RPH3AL: variants seen among roughly 807,000 people sequenced by gnomAD.
The protein encoded by RPH3AL is rab effector Noc2.
RPH3AL carries 38 observed loss-of-function variants against 43.1 expected under a neutral mutation model. The ratio of observed to expected loss-of-function variants is 0.88; its 90% CI spans 0.68 to 1.15. The LOEUF is 1.15. RPH3AL is among the 50% of genes most tolerant of loss of function. The pLI, the probability that RPH3AL is intolerant of heterozygous loss-of-function variation, is 0.00. For missense variants in RPH3AL, 462 were observed against 423.2 expected, an observed-to-expected ratio of 1.09 and a Z score of -0.81; for synonymous variants, 189 against 176.3, an observed-to-expected ratio of 1.07 and a Z score of -0.57.
Position 289,956 on chromosome 17 carries a change from C to G in RPH3AL, c.352-8102G>C, listed in dbSNP as rs72806031. On this transcript the variant is annotated intron_variant, in intron 5 of 9. Coordinates refer to ENST00000331302, the MANE Select transcript of RPH3AL (RefSeq NM_006987.4). The surrounding 1 kb of genome is among the most constrained non-coding windows in gnomAD (Gnocchi z 5.2). ...CCTCCGCTGTGTGGCTGCAGGGCTCCTGTGACTTCCCCTGCTGGGCCGTCA... is the reference window on the plus strand; with the variant it reads ...CCTCCGCTGTGTGGCTGCAGGGCTCGTGTGACTTCCCCTGCTGGGCCGTCA... 0.52 allele frequency among the ~76,000 whole-genome samples: 78,450 copies of G among 152,110 alleles called. 21,815 individuals carry two copies. Among genetic ancestry groups the G allele is most frequent in the Non-Finnish European group, 0.63 (42,954 of 67,986 alleles).
At chr17:318,181 A>G (rs368574969) in intron 5 of RPH3AL, among the ~76,000 whole-genome samples, 180 of 152,158 alleles carry the variant, frequency 1.2e-3, no homozygotes, top group African/African-American at 4.1e-3. Flanking sequence ...TCAGGAGTTC[A>G]AGACCAGCCT....
chr17:348,727 CCT>C (rs2045296121), intron 1 of RPH3AL, among the ~76,000 whole-genome samples: 1 of 152,116 alleles, frequency 6.6e-6, no homozygotes, highest in Non-Finnish European at 1.5e-5. Flanking sequence ...GCCCATCATC[CCT>C]GTTTGCTAAA....
At chr17:278,090 T>C (rs1427709924) in intron 6 of RPH3AL, among the ~76,000 whole-genome samples, 1 of 152,208 alleles carries the variant, frequency 6.6e-6, no homozygotes, top group African/African-American at 2.4e-5. Flanking sequence ...AATCTCATCT[T>C]GAACTGCAGC....
chr17:299,918 C>T (rs1232100708), intron 5 of RPH3AL, among the ~76,000 whole-genome samples: 1 of 152,246 alleles, frequency 6.6e-6, no homozygotes, highest in African/African-American at 2.4e-5. Flanking sequence ...GAGAAGGAGT[C>T]CCTGCAGGAC....
At chr17:291,740 G>A (rs971015705) in intron 5 of RPH3AL, among the ~76,000 whole-genome samples, 2 of 152,142 alleles carry the variant, frequency 1.3e-5, no homozygotes, top group African/African-American at 2.4e-5. Flanking sequence ...GAAAAGTGAC[G>A]AAATGACAAC....
chr17:326,591 A>G (rs1222265334), intron 3 of RPH3AL, among the ~76,000 whole-genome samples: 1 of 152,194 alleles, frequency 6.6e-6, no homozygotes, highest in Non-Finnish European at 1.5e-5. Flanking sequence ...GGACAGCAGG[A>G]AAACCAGGGC....
intron 6 of RPH3AL, among the ~76,000 whole-genome samples, chr17:258,766 T>G (rs1192940692): frequency 2.7e-5 from 4 of 150,008 alleles, no homozygotes; most frequent in Admixed American, 6.6e-5. Context: ...CGTTTTTTTT[T>G]TTTTTTTTTT....
chr17:263,299 A>G (rs1470267658), intron 6 of RPH3AL, among the ~76,000 whole-genome samples: 1 of 152,216 alleles, frequency 6.6e-6, no homozygotes, highest in Non-Finnish European at 1.5e-5. Flanking sequence ...AAAGAGCCGA[A>G]AGTAATAACA....
At chr17:310,606 G>A (rs2151653954) in intron 5 of RPH3AL, among the ~76,000 whole-genome samples, 1 of 152,308 alleles carries the variant, frequency 6.6e-6, no homozygotes, top group South Asian at 2.1e-4. Context: ...GGCAGTCCCA[G>A]AGTGGAGGGC....
chr17:321,457 T>C (rs750753114), intron 3 of RPH3AL, 42 bp from the exon 4 acceptor site: 48 of 1,514,590 alleles, frequency 3.2e-5, no homozygotes, highest in Non-Finnish European at 4.0e-5. Flanking sequence ...GCCTCCCCGG[T>C]GCAAACTCCG....
At chr17:331,688 C>A (rs12947988) in intron 2 of RPH3AL, 415,963 of 1,286,900 alleles carry the variant, frequency 0.32, 69,403 homozygotes, top group Admixed American at 0.43. Context: ...CCTCATCAGC[C>A]GACCCCCATG....
At chr17:227,214 G>A (rs985486681) in intron 7 of RPH3AL, among the ~76,000 whole-genome samples, 10 of 152,326 alleles carry the variant, frequency 6.6e-5, no homozygotes, top group East Asian at 1.9e-4. Flanking sequence ...CAGCCCCAGC[G>A]CCAGCCGTGC....
chr17:344,533 CCAT>C (rs544176499), intron 1 of RPH3AL, among the ~76,000 whole-genome samples: 2 of 133,616 alleles, frequency 1.5e-5, no homozygotes, highest in Admixed American at 7.2e-5. Flanking sequence ...ATCATCATCA[CCAT>C]CATCATGATC....
At chr17:224,973 G>A (rs191570082) in intron 7 of RPH3AL, among the ~76,000 whole-genome samples, 1 of 145,848 alleles carries the variant, frequency 6.9e-6, no homozygotes, top group Admixed American at 6.8e-5. Context: ...ATGGGGTTGG[G>A]GGAGGGGGGA....
chr17:267,105 C>T (rs926104429), intron 6 of RPH3AL, among the ~76,000 whole-genome samples: 4 of 152,226 alleles, frequency 2.6e-5, no homozygotes, highest in Non-Finnish European at 5.9e-5. Flanking sequence ...AACAGGGGCC[C>T]CTGTCTTCCC....
At chr17:224,323 C>T (rs2041059395) in intron 7 of RPH3AL, among the ~76,000 whole-genome samples, 1 of 152,272 alleles carries the variant, frequency 6.6e-6, no homozygotes, top group South Asian at 2.1e-4. Flanking sequence ...TCCCACGCCA[C>T]CTGCTGTCTC....
chr17:278,355 TA>T (rs1383833981), intron 6 of RPH3AL, among the ~76,000 whole-genome samples: 1 of 152,192 alleles, frequency 6.6e-6, no homozygotes, highest in East Asian at 1.9e-4. Context: ...CTCTTCCCTT[TA>T]GTACCCAGTC....
chr17:273,050 G>GAGAGACCCCAGCGAGGGCGACGTCAGGC (rs2042541233), intron 6 of RPH3AL, among the ~76,000 whole-genome samples: 1 of 104,716 alleles, frequency 9.5e-6, no homozygotes. Context: ...CGACGTCAGG[G>GAGAGACCCCAGCGAGGGCGACGTCAGGC]AGAGACCCCA....
In RPH3AL at chr17:323,789, C is replaced by T. The variant is rs184669225; in HGVS notation, c.78-2374G>A. ...ATGTCTTCCATCGGACCCTCACAGT[C>T]ACCCCGAGGCAGGCCCGGACCCTCC... On this transcript the variant is annotated intron_variant, in intron 3 of 9. Coordinates refer to ENST00000331302, the MANE Select transcript of RPH3AL (RefSeq NM_006987.4). The surrounding 1 kb of genome is among the most constrained non-coding windows in gnomAD (Gnocchi z 4.4). 1.3e-3 allele frequency among the ~76,000 whole-genome samples: 202 copies of T among 152,262 alleles called. No individual in the cohort carries two copies. The highest frequency in any genetic ancestry group is 4.5e-3 in the African/African-American group (185 of 41,526).
Sources: allele counts gnomAD v4.1 joint callset (sites outside exome capture counted in the v4.1 genomes callset), GRCh38; gene constraint gnomAD v4.1.1; non-coding constraint Gnocchi (gnomAD v3.1); transcripts MANE v1.5; gene names NCBI Gene and HGNC (gene_info 2026-07-23, HGNC 2026-07-21).